The following PLAG1 variants were observed in gnomAD, a reference collection of about 807,000 sequenced individuals.
PLAG1 encodes the protein zinc finger protein PLAG1.
Under a neutral mutation model 35.5 loss-of-function variants are expected in PLAG1, and 7 were observed. The observed-to-expected ratio is 0.20, with a 90% CI of 0.11 to 0.37. PLAG1 has a LOEUF of 0.37. Ranked by LOEUF, PLAG1 falls within the 10% of genes least tolerant of loss-of-function variation. The pLI is 1.00. For synonymous variants in PLAG1, 229 were observed against 225.4 expected, an observed-to-expected ratio of 1.02 and a Z score of -0.14; for missense variants, 454 against 602.8, an observed-to-expected ratio of 0.75 and a Z score of 2.58.
At chr8:56,208,098 A>G (rs553054539) in intron 1 of PLAG1, among the ~76,000 whole-genome samples, 87 of 152,268 alleles carry the variant, frequency 5.7e-4, no homozygotes, top group African/African-American at 2.0e-3. Context: ...GAATTTATTG[A>G]TATTAGTATC....
At chr8:56,196,511 G>C (rs1180975698) in intron 1 of PLAG1, among the ~76,000 whole-genome samples, 1 of 152,090 alleles carries the variant, frequency 6.6e-6, no homozygotes, top group Non-Finnish European at 1.5e-5. Context: ...GTACTTTCAG[G>C]GGCCAAGCGC....
At chr8:56,186,861 C>A (rs145306143) in intron 1 of PLAG1, among the ~76,000 whole-genome samples, 21,659 of 152,020 alleles carry the variant, frequency 0.14, 1,770 homozygotes, top group Middle Eastern at 0.2. Context: ...GGATTACAGG[C>A]ATGCTCTACC....
chr8:56,196,576 G>A (rs1275972150), intron 1 of PLAG1, among the ~76,000 whole-genome samples: 3 of 152,028 alleles, frequency 2.0e-5, no homozygotes, highest in Non-Finnish European at 4.4e-5. Flanking sequence ...GTGAGGACAC[G>A]TCAGTCAGAA....
chr8:56,165,297 CACCTCATGGCTGCAGT>C lies in PLAG1; in HGVS notation c.*930_*945del. On this transcript the variant is annotated 3_prime_UTR_variant, in exon 5 of 5. Transcript: ENST00000316981. ...GAGTCAATCCACTGTGGGATAAACACACCTCATGGCTGCAGTTCCACAATGGCTCTAGATTATGGAC... is the reference window on the plus strand; with the variant it reads ...GAGTCAATCCACTGTGGGATAAACACTCCACAATGGCTCTAGATTATGGAC... The C allele has an allele frequency of 4.7e-6, 1 of 213,566 alleles. No individual in the cohort carries two copies. The highest frequency in any genetic ancestry group is 6.9e-5 in the East Asian group (1 of 14,444). 13.2% of individuals were successfully genotyped at this position (213,566 alleles called of 1,614,324 possible).
intron 1 of PLAG1, among the ~76,000 whole-genome samples, chr8:56,198,174 CCT>C (rs1812439290): frequency 1.3e-5 from 2 of 152,222 alleles, no homozygotes; most frequent in Non-Finnish European, 1.5e-5. Flanking sequence ...AGGAATTTAC[CCT>C]GTGCCGGTTC....
intron 3 of PLAG1, among the ~76,000 whole-genome samples, chr8:56,169,759 G>C (rs989419826): frequency 6.6e-6 from 1 of 152,168 alleles, no homozygotes; most frequent in Non-Finnish European, 1.5e-5. Context: ...GCCCAGGCTG[G>C]TCTTGAACTC....
At chr8:56,189,117 C>T (rs558559227) in intron 1 of PLAG1, among the ~76,000 whole-genome samples, 11 of 152,254 alleles carry the variant, frequency 7.2e-5, no homozygotes, top group African/African-American at 2.6e-4. Flanking sequence ...CAAGTATGTG[C>T]TGAATGAATA....
At chr8:56,196,180 C>T (rs1324019879) in intron 1 of PLAG1, among the ~76,000 whole-genome samples, 3 of 152,168 alleles carry the variant, frequency 2.0e-5, no homozygotes, top group African/African-American at 7.2e-5. Flanking sequence ...CATGAAATAA[C>T]TTCACACCCG....
rs1195146178 is a variant in PLAG1, at chr8:56,164,686, C to A, written c.*1557G>T. ...ATAGATATGTTTCTTAGGTTAATGT[C>A]CCAACTGACCCTTAGAAAAATATAT... is the stretch of plus-strand genomic sequence containing the variant. On this transcript the variant is annotated 3_prime_UTR_variant, in exon 5 of 5. Transcript: ENST00000316981. 4.6e-6 allele frequency: 1 copy of A among 219,600 alleles called. No individual in the cohort carries two copies. The highest frequency in any genetic ancestry group is 6.7e-5 in the East Asian group (1 of 14,886). The allele number at this position is 219,600 out of a possible 1,614,324, so 13.6% of individuals were successfully genotyped here.
In PLAG1 at chr8:56,161,350, A is replaced by C. The variant is rs1770156568; in HGVS notation, c.*4893T>G. 2 of 213,576 alleles carry C rather than the reference A, an allele frequency of 9.4e-6. No homozygotes were observed. The highest frequency in any genetic ancestry group is 2.3e-5 in the African/African-American group (1 of 44,256). 13.2% of individuals were successfully genotyped at this position (213,576 alleles called of 1,614,324 possible). On this transcript the variant is annotated 3_prime_UTR_variant, in exon 5 of 5. Coordinates refer to ENST00000316981, the MANE Select transcript of PLAG1 (RefSeq NM_002655.3). ...TATTTTGACTCAAAACTTTATCATT[A>C]GAACATTTTTAGAGTACTAGTCCAA... is the stretch of plus-strand genomic sequence containing the variant.
At position 56,161,557 on chromosome 8, in the gene PLAG1, C is replaced by G. The variant is rs1811201450; in HGVS notation, c.*4686G>C. Reference sequence around the variant, plus strand: ...CACTTTCCATTCTGAGTTACAGTCACCTTGTGGACAAAAGCTGGGTTTGTT... The same window carrying G: ...CACTTTCCATTCTGAGTTACAGTCAGCTTGTGGACAAAAGCTGGGTTTGTT... On this transcript the variant is annotated 3_prime_UTR_variant, in exon 5 of 5. Transcript: ENST00000316981. The G allele has an allele frequency of 8.7e-6, 2 of 228,578 alleles. No individual in the cohort carries two copies. Among genetic ancestry groups the G allele is most frequent in the African/African-American group, 4.4e-5 (2 of 45,022 alleles). The allele number at this position is 228,578 out of a possible 1,614,324, so 14.2% of individuals were successfully genotyped here.
chr8:56,186,810 G>A (rs563050861), intron 1 of PLAG1, among the ~76,000 whole-genome samples: 418 of 152,066 alleles, frequency 2.7e-3, no homozygotes, highest in African/African-American at 9.2e-3. Context: ...TCCGCCTCCC[G>A]TATTCAAGTG....
intron 1 of PLAG1, among the ~76,000 whole-genome samples, chr8:56,195,724 A>C (rs978676007): frequency 6.6e-6 from 1 of 152,126 alleles, no homozygotes. Flanking sequence ...ATCTAAGGAG[A>C]CAGGAGGTCC....
chr8:56,197,638 C>T (rs184350509), intron 1 of PLAG1, among the ~76,000 whole-genome samples: 7 of 152,352 alleles, frequency 4.6e-5, no homozygotes, highest in Non-Finnish European at 7.3e-5. Flanking sequence ...CAGCCTCCCA[C>T]GCCCACTGTG....
In PLAG1 at chr8:56,171,881, TATA is replaced by T. The variant is rs201613333; in HGVS notation, c.-216-695_-216-693del. On this transcript the variant is annotated intron_variant, in intron 2 of 4. Coordinates refer to ENST00000316981, the MANE Select transcript of PLAG1 (RefSeq NM_002655.3). ...ATTGTTGAAAACTCTTAAAGTAGCT[TATA>T]ATGTTTATCAGTAGTATGATCATTA... Among the ~76,000 whole-genome samples the T allele has an allele frequency of 2.8e-3, 419 of 152,328 alleles. 6 individuals are homozygous for T. Among genetic ancestry groups the T allele is most frequent in the Admixed American group, 0.026 (397 of 15,300 alleles).
chr8:56,172,896 A>C (rs1811572665), intron 2 of PLAG1, among the ~76,000 whole-genome samples: 1 of 152,240 alleles, frequency 6.6e-6, no homozygotes, highest in Admixed American at 6.5e-5. Flanking sequence ...TAAAAAGTTT[A>C]AAAGACAGTT....
At chr8:56,193,695 C>CTTTTTTT (rs760038291) in intron 1 of PLAG1, among the ~76,000 whole-genome samples, 1 of 130,800 alleles carries the variant, frequency 7.6e-6, no homozygotes, top group Non-Finnish European at 1.6e-5. Flanking sequence ...ATTAGGTAAA[C>CTTTTTTT]TTTTTTTTTT....
intron 1 of PLAG1, among the ~76,000 whole-genome samples, chr8:56,200,749 GC>G (rs2129234164): frequency 6.6e-6 from 1 of 152,106 alleles, no homozygotes; most frequent in East Asian, 1.9e-4. Flanking sequence ...GCTTCTTCTT[GC>G]CAATTCCTAA....
At chr8:56,176,348 C>T (rs892604257) in intron 2 of PLAG1, among the ~76,000 whole-genome samples, 3 of 134,852 alleles carry the variant, frequency 2.2e-5, no homozygotes, top group African/African-American at 8.2e-5. Flanking sequence ...CCACCATGCC[C>T]AACTGAAAGC....
Sources: allele counts gnomAD v4.1 joint callset (sites outside exome capture counted in the v4.1 genomes callset), GRCh38; gene constraint gnomAD v4.1.1; transcripts MANE v1.5; gene names NCBI Gene and HGNC (gene_info 2026-07-23, HGNC 2026-07-21).